The following TPX2 variants were observed in gnomAD, a reference collection of about 807,000 sequenced individuals.
TPX2 encodes the protein TPX2 microtubule nucleation factor, also known as targeting protein for Xklp2.
In TPX2, 21 loss-of-function variants were observed where a neutral mutation model predicts 93.6. That is an observed-to-expected ratio of 0.22 (90% CI 0.16 to 0.32). The LOEUF is 0.32. Among genes scored for constraint, TPX2 ranks in the 10% least tolerant of loss-of-function variants. TPX2 has a pLI of 1.00. For missense variants in TPX2, 776 were observed against 871.1 expected (o/e 0.89, Z 1.37); for synonymous variants, 281 against 298.3 (o/e 0.94, Z 0.60).
At chr20:31,742,420 C>CA (rs1448305283) in intron 1 of TPX2, 121 bp from the exon 2 acceptor site, 1 of 152,114 alleles carries the variant, frequency 6.6e-6, no homozygotes, top group East Asian at 1.9e-4. Flanking sequence ...TCAAGTGATC[C>CA]ACCTGCCTTG....
Position 31,782,299 on chromosome 20 carries a change from A to G in TPX2, c.1105A>G (p.Thr369Ala), listed in dbSNP as rs148370055. 14 of 1,613,270 alleles carry G rather than the reference A, an allele frequency of 8.7e-6. No homozygotes were observed. The East Asian group carries it at 2.7e-4, about 31-fold the overall frequency. ...GACCAAGATTTGCAGAGACCCACAG[A>G]CTCCTGTACTGCAAACCAAACACCG... The part of the protein sequence containing the change: ...SVTKICRDPQ[T>A]PVLQTKHRAR... The change falls in exon 11 of 18, where the codon ACT (threonine) becomes GCT (alanine). Residue 369 changes from threonine (T) to alanine (A), a missense_variant. Coordinates refer to ENST00000300403, the MANE Select transcript of TPX2 (RefSeq NM_012112.5).
chr20:31,781,610 T>G (rs1467022967), intron 10 of TPX2, among the ~76,000 whole-genome samples: 1 of 151,828 alleles, frequency 6.6e-6, no homozygotes, highest in Non-Finnish European at 1.5e-5. Context: ...AAATTTTTTG[T>G]GTTAATAACA....
At chr20:31,753,754 G>A (rs577732083) in intron 2 of TPX2, among the ~76,000 whole-genome samples, 4 of 152,074 alleles carry the variant, frequency 2.6e-5, no homozygotes, top group Admixed American at 6.6e-5. Flanking sequence ...GGCCGGGTGC[G>A]GTTGCTCATG....
At chr20:31,759,396 GTTTTTT>G (rs35468756) in intron 3 of TPX2, among the ~76,000 whole-genome samples, 7 of 100,440 alleles carry the variant, frequency 7.0e-5, no homozygotes, top group African/African-American at 3.1e-4. Flanking sequence ...GTTTTCTTTC[GTTTTTT>G]TTTTTTTTTT....
At position 31,747,825 on chromosome 20, in the gene TPX2, A is replaced by G. The variant is rs569841382; in HGVS notation, c.-71+5178A>G. 1.6e-3 allele frequency among the ~76,000 whole-genome samples: 233 copies of G among 149,116 alleles called. 2 individuals are homozygous for G. The highest frequency in any genetic ancestry group is 5.6e-3 in the African/African-American group (226 of 40,230). On this transcript the variant is annotated intron_variant, in intron 2 of 17. Coordinates refer to ENST00000300403, the MANE Select transcript of TPX2 (RefSeq NM_012112.5). Reference sequence around the variant, plus strand: ...GTTGACAGAAATTCAATCTTGATTAAGGGACGCAGGAAGGCATCCAGTTCC... The same window carrying G: ...GTTGACAGAAATTCAATCTTGATTAGGGGACGCAGGAAGGCATCCAGTTCC...
intron 5 of TPX2, 32 bp downstream of exon 5, chr20:31,766,714 T>C: frequency 6.2e-7 from 1 of 1,600,552 alleles, no homozygotes; most frequent in Non-Finnish European, 8.5e-7. Context: ...GTGGTGGTTA[T>C]GATAATAATG....
At chr20:31,779,484 C>G (rs1483785200) in intron 10 of TPX2, among the ~76,000 whole-genome samples, 1 of 152,174 alleles carries the variant, frequency 6.6e-6, no homozygotes, top group East Asian at 1.9e-4. Context: ...CATCAAGTTT[C>G]AAAAGCCTTT....
At chr20:31,799,032 C>G (rs973725487) in intron 17 of TPX2, among the ~76,000 whole-genome samples, 17 of 152,254 alleles carry the variant, frequency 1.1e-4, no homozygotes, top group African/African-American at 4.1e-4. Context: ...TGTAATTAGA[C>G]AAGAATACAT....
intron 12 of TPX2, among the ~76,000 whole-genome samples, chr20:31,788,568 G>A (rs970081345): frequency 2.0e-5 from 3 of 152,062 alleles, no homozygotes; most frequent in Non-Finnish European, 2.9e-5. Flanking sequence ...AAGCTGTTTC[G>A]TGTGTCCTTA....
intron 4 of TPX2, 92 bp from the exon 5 acceptor site, chr20:31,766,454 GGTGTGTGTGT>G (rs35700111): frequency 1.1e-4 from 77 of 720,516 alleles, no homozygotes; most frequent in Middle Eastern, 4.5e-4. Flanking sequence ...GCTTAGACAG[GGTGTGTGTGT>G]GTGTGTGTGT....
chr20:31,776,479 A>G (rs2062000338), intron 8 of TPX2, among the ~76,000 whole-genome samples: 2 of 151,190 alleles, frequency 1.3e-5, no homozygotes, highest in African/African-American at 4.9e-5. Context: ...TTCTACATAT[A>G]TTGGTATTTT....
At chr20:31,800,884 A>G in intron 17 of TPX2, 86 bp from the exon 18 acceptor site, 1 of 1,179,662 alleles carries the variant, frequency 8.5e-7, no homozygotes, top group Non-Finnish European at 1.2e-6. Flanking sequence ...CTCTACAAAC[A>G]TTTTCTCAAA....
Position 31,800,119 on chromosome 20 carries a change from G to A in TPX2, c.2134-851G>A, listed in dbSNP as rs117158305. Among the ~76,000 whole-genome samples, 63 of 152,192 alleles carry A rather than the reference G, an allele frequency of 4.1e-4. 1 individual carries two copies. The East Asian group carries it at 0.012, about 28-fold the overall frequency. On this transcript the variant is annotated intron_variant, in intron 17 of 17. Coordinates refer to ENST00000300403, the MANE Select transcript of TPX2 (RefSeq NM_012112.5). ...TAAATAAAATGCTAGACTAGCAGTT[G>A]AAACAGCTATTGGCAGCTATTGGCA... is the stretch of plus-strand genomic sequence containing the variant.
Position 31,793,869 on chromosome 20 carries a change from A to G in TPX2, c.1531A>G (p.Ile511Val), listed in dbSNP as rs954863198. The G allele has an allele frequency of 1.2e-6, 2 of 1,605,592 alleles. No homozygotes were observed. Among genetic ancestry groups the G allele is most frequent in the Non-Finnish European group, 1.7e-6 (2 of 1,176,544 alleles). ...EDEEEDEPVV[I>V]KAQPVPHYGV... ...CTAGGAAGAGGACGAACCGGTAGTG[A>G]TAAAAGCTCAACCTGTGCCACATTA... The change falls in exon 14 of 18, where the codon ATA (isoleucine) becomes GTA (valine). Residue 511 changes from isoleucine (I) to valine (V), a missense_variant. Coordinates refer to ENST00000300403, the MANE Select transcript of TPX2 (RefSeq NM_012112.5).
chr20:31,773,807 T>C (rs1277109205), intron 7 of TPX2, among the ~76,000 whole-genome samples: 1 of 152,170 alleles, frequency 6.6e-6, no homozygotes, highest in East Asian at 1.9e-4. Flanking sequence ...AATAATTAAA[T>C]CTAGCTAATT....
chr20:31,749,278 A>G (rs1217377589), intron 2 of TPX2, among the ~76,000 whole-genome samples: 1 of 152,154 alleles, frequency 6.6e-6, no homozygotes, highest in East Asian at 1.9e-4. Context: ...TAGGCAGTGG[A>G]TAAGAACACC....
intron 15 of TPX2, among the ~76,000 whole-genome samples, chr20:31,796,454 T>C (rs1315855128): frequency 3.3e-5 from 5 of 152,252 alleles, no homozygotes; most frequent in African/African-American, 1.2e-4. Context: ...AGTTGAATTG[T>C]TAAAATCAAT....
intron 2 of TPX2, among the ~76,000 whole-genome samples, chr20:31,743,854 G>A (rs1210968015): frequency 6.6e-6 from 1 of 151,536 alleles, no homozygotes; most frequent in Non-Finnish European, 1.5e-5. Flanking sequence ...AGCCTCCCGA[G>A]TAGCTGGGAC....
chr20:31,770,386 G>A lies in TPX2; in HGVS notation c.400G>A (p.Glu134Lys). The A allele has an allele frequency of 6.2e-7, 1 of 1,606,288 alleles. No individual in the cohort carries two copies. Among genetic ancestry groups the A allele is most frequent in the Non-Finnish European group, 8.5e-7 (1 of 1,175,902 alleles). ...LSAQKDLEQK[E>K]KHHVKMKAKR... Reference sequence around the variant, plus strand: ...TGCTCAGAAGGATTTGGAACAGAAAGAAAAGCATCATGTAAAAATGAAAGC... The same window carrying A: ...TGCTCAGAAGGATTTGGAACAGAAAAAAAAGCATCATGTAAAAATGAAAGC... Residue 134 changes from glutamate (E) to lysine (K), a missense_variant, in exon 6 of 18, where the codon GAA becomes AAA. By Grantham distance (56) the Glu-to-Lys change is moderately conservative. Coordinates refer to ENST00000300403, the MANE Select transcript of TPX2 (RefSeq NM_012112.5).
Sources: gnomAD v4.1 joint callset for allele counts (sites outside exome capture counted in the v4.1 genomes callset) on GRCh38, gnomAD v4.1.1 for gene constraint, MANE v1.5 for transcripts, NCBI Gene and HGNC (gene_info 2026-07-23, HGNC 2026-07-21) for gene names.